Variants in PIWIL4 observed in about 807,000 individuals in gnomAD.
PIWIL4 encodes the protein piwi-like protein 4.
PIWIL4 carries 50 observed loss-of-function variants against 100.9 expected under a neutral mutation model. The observed-to-expected ratio is 0.50, with a 90% CI of 0.39 to 0.63. The LOEUF (loss-of-function observed/expected upper bound fraction) is 0.63, where lower values mean the gene tolerates loss of function less well. PIWIL4 is among the 20% of genes least tolerant of loss of function. PIWIL4 has a pLI of 0.00. For synonymous variants in PIWIL4, 342 were observed against 367.5 expected (o/e 0.93, Z 0.79); for missense variants, 887 against 1,043.3 (o/e 0.85, Z 2.06).
chr11:94,596,606 G>A (rs568062541), intron 10 of PIWIL4, among the ~76,000 whole-genome samples: 4 of 152,096 alleles, frequency 2.6e-5, no homozygotes, highest in African/African-American at 4.8e-5. Context: ...TTAATTTCAT[G>A]GATATACTTT....
At chr11:94,615,777 A>G (rs1054796567) in intron 15 of PIWIL4, among the ~76,000 whole-genome samples, 1 of 152,174 alleles carries the variant, frequency 6.6e-6, no homozygotes, top group African/African-American at 2.4e-5. Flanking sequence ...AGCTGTGACT[A>G]TAGGCACGCG....
At chr11:94,605,162 A>G (rs1948698804) in intron 13 of PIWIL4, among the ~76,000 whole-genome samples, 1 of 152,214 alleles carries the variant, frequency 6.6e-6, no homozygotes, top group Non-Finnish European at 1.5e-5. Flanking sequence ...GAAGCATATG[A>G]CAATCATCAA....
chr11:94,590,170 G>T (rs1244815246), intron 8 of PIWIL4, among the ~76,000 whole-genome samples: 1 of 152,172 alleles, frequency 6.6e-6, no homozygotes, highest in Non-Finnish European at 1.5e-5. Flanking sequence ...CTAGCTCCAA[G>T]CACCTTTTCT....
chr11:94,601,989 C>A lies in PIWIL4; in HGVS notation c.1565+10C>A. ...TGGACTACCCCAAAATGTGAGAATACATTGAATTTTGTTCATATATTAATT... is the reference window on the plus strand; with the variant it reads ...TGGACTACCCCAAAATGTGAGAATAAATTGAATTTTGTTCATATATTAATT... On this transcript the variant is annotated intron_variant, in intron 12 of 19. Transcript: ENST00000299001. 6.3e-7 allele frequency: 1 copy of A among 1,593,360 alleles called. No homozygotes were observed. Among genetic ancestry groups the A allele is most frequent in the Non-Finnish European group, 8.5e-7 (1 of 1,172,730 alleles).
At chr11:94,591,969 G>C (rs911718951) in intron 8 of PIWIL4, among the ~76,000 whole-genome samples, 1 of 152,152 alleles carries the variant, frequency 6.6e-6, no homozygotes, top group African/African-American at 2.4e-5. Context: ...TCCAGCTAGA[G>C]TCCTTCTTCC....
Position 94,587,259 on chromosome 11 carries a change from C to T in PIWIL4, c.914+12C>T, listed in dbSNP as rs142535284. Reference sequence around the variant, plus strand: ...ATTGTCCTTACAAGGTACAAGCCTGCGTCTAAATAAACTTTTCTTCAGAAA... The same window carrying T: ...ATTGTCCTTACAAGGTACAAGCCTGTGTCTAAATAAACTTTTCTTCAGAAA... On this transcript the variant is annotated intron_variant, in intron 7 of 19. Transcript: ENST00000299001. The T allele has an allele frequency of 6.2e-6, 10 of 1,600,654 alleles. No individual in the cohort carries two copies. Among genetic ancestry groups the T allele is most frequent in the South Asian group, 3.4e-5 (3 of 89,028 alleles).
At position 94,617,336 on chromosome 11, in the gene PIWIL4, A is replaced by C. The variant is rs769338484; in HGVS notation, c.2015-618A>C. 1.5e-4 allele frequency among the ~76,000 whole-genome samples: 21 copies of C among 140,118 alleles called. 1 individual carries two copies. Among genetic ancestry groups the C allele is most frequent in the Middle Eastern group, 7.0e-3 (2 of 284 alleles). The allele number at this position is 140,118 out of a possible 152,430, so 91.9% of individuals were successfully genotyped here. Reference sequence around the variant, plus strand: ...ATTCCCCTCACATCGAAACCTGGTAAATTTTTTTAGCAGGTAATTTTTTTT... The same window carrying C: ...ATTCCCCTCACATCGAAACCTGGTACATTTTTTTAGCAGGTAATTTTTTTT... On this transcript the variant is annotated intron_variant, in intron 16 of 19. Coordinates refer to ENST00000299001, the MANE Select transcript of PIWIL4 (RefSeq NM_152431.3).
In PIWIL4 at chr11:94,608,572, T is replaced by TAATTTTATAGTTA. The variant is rs1948751174; in HGVS notation, c.1840-8_1844dup. 2 of 1,609,850 alleles carry TAATTTTATAGTTA rather than the reference T, an allele frequency of 1.2e-6. No individual in the cohort carries two copies. Among genetic ancestry groups the TAATTTTATAGTTA allele is most frequent in the Non-Finnish European group, 1.7e-6 (2 of 1,176,524 alleles). On this transcript the variant is annotated splice_polypyrimidine_tract_variant and intron_variant, in intron 14 of 19. Coordinates refer to ENST00000299001, the MANE Select transcript of PIWIL4 (RefSeq NM_152431.3). ...TCATCCCATTAAATCATGACAAATT[T>TAATTTTATAGTTA]AATTTTATAGTTAAAGTCCCTGATG... is the stretch of plus-strand genomic sequence containing the variant.
Position 94,575,294 on chromosome 11 carries a change from T to G in PIWIL4, c.298+164T>G, listed in dbSNP as rs1330096660. ...GTTAGACGCTTTAATTTTCTAGCCTTAATTTTCTCTTTTATTAGTAGAAAT... is the reference window on the plus strand; with the variant it reads ...GTTAGACGCTTTAATTTTCTAGCCTGAATTTTCTCTTTTATTAGTAGAAAT... On this transcript the variant is annotated intron_variant, in intron 3 of 19. Transcript: ENST00000299001. 2.0e-5 allele frequency among the ~76,000 whole-genome samples: 3 copies of G among 152,256 alleles called. No homozygotes were observed. The East Asian group carries it at 5.8e-4, about 29-fold the overall frequency.
rs372862061 is a variant in PIWIL4, at chr11:94,567,609, T to C, written c.87+4T>C. 1 of 1,595,590 alleles carries C rather than the reference T, an allele frequency of 6.3e-7. No individual in the cohort carries two copies. The highest frequency in any genetic ancestry group is 8.5e-7 in the Non-Finnish European group (1 of 1,169,740). On this transcript the variant is annotated splice_donor_region_variant and intron_variant, in intron 1 of 19. Transcript: ENST00000299001. ...GCGCATCCAAGCCTCGCCATTGGTG[T>C]GTAGAATGCTTATTGCGCATGGTTT...
chr11:94,610,494 T>A (rs1461846809), intron 15 of PIWIL4, among the ~76,000 whole-genome samples: 3 of 152,174 alleles, frequency 2.0e-5, no homozygotes, highest in Non-Finnish European at 4.4e-5. Context: ...TTTTTCCACA[T>A]TCTCCCTAAT....
chr11:94,589,352 G>A lies in PIWIL4; in HGVS notation c.1026+120G>A, dbSNP rs923807999. On this transcript the variant is annotated intron_variant, in intron 8 of 19. Coordinates refer to ENST00000299001, the MANE Select transcript of PIWIL4 (RefSeq NM_152431.3). ...GAGTCTGCCTCCGACCTGATTCTCT[G>A]ACTTGTCTCTCTCCTTCATCCCCAC... 6 of 756,546 alleles carry A rather than the reference G, an allele frequency of 7.9e-6. No individual in the cohort carries two copies. The African/African-American group carries it at 1.0e-4, about 13-fold the overall frequency. The allele number at this position is 756,546 out of a possible 1,614,324, so 46.9% of individuals were successfully genotyped here.
At chr11:94,576,921 A>T (rs1948245739) in intron 3 of PIWIL4, among the ~76,000 whole-genome samples, 1 of 152,236 alleles carries the variant, frequency 6.6e-6, no homozygotes, top group South Asian at 2.1e-4. Flanking sequence ...ATAATTTCAG[A>T]GCAGCATCTG....
intron 8 of PIWIL4, among the ~76,000 whole-genome samples, chr11:94,589,580 A>C (rs985289325): frequency 6.6e-6 from 1 of 152,086 alleles, no homozygotes; most frequent in African/African-American, 2.4e-5. Context: ...CTGCCTTTAA[A>C]GCCTCATCTC....
chr11:94,601,267 C>T (rs1275845752), intron 11 of PIWIL4, among the ~76,000 whole-genome samples: 1 of 152,112 alleles, frequency 6.6e-6, no homozygotes, highest in Non-Finnish European at 1.5e-5. Context: ...GAAATCTTCA[C>T]AATCCATGTT....
At position 94,601,367 on chromosome 11, in the gene PIWIL4, A is replaced by G. The variant is rs527642155; in HGVS notation, c.1381-428A>G. 7.9e-5 allele frequency among the ~76,000 whole-genome samples: 12 copies of G among 152,236 alleles called. No homozygotes were observed. In the South Asian group the frequency reaches 2.1e-3, roughly 26 times the overall value. On this transcript the variant is annotated intron_variant, in intron 11 of 19. Coordinates refer to ENST00000299001, the MANE Select transcript of PIWIL4 (RefSeq NM_152431.3). Reference sequence around the variant, plus strand: ...TTCTGTAGGGTGTGTTAGTTTTATTATGATGACCTAGAGTATTGATAATCA... The same window carrying G: ...TTCTGTAGGGTGTGTTAGTTTTATTGTGATGACCTAGAGTATTGATAATCA...
intron 15 of PIWIL4, among the ~76,000 whole-genome samples, chr11:94,612,466 G>A (rs544657438): frequency 6.6e-6 from 1 of 152,036 alleles, no homozygotes; most frequent in South Asian, 2.1e-4. Flanking sequence ...TTTGTAGGTG[G>A]CATTTAGTTA....
rs529533471 is a variant in PIWIL4 at position 94,601,802 on chromosome 11, C to T, written c.1388C>T (p.Pro463Leu). ...KILMQDHICQ[P>L]VSAADWSKDI... ...GATCATTATTTTTCTCAGTGTCAAC[C>T]TGTGTCTGCTGCTGACTGGTCCAAG... is the stretch of plus-strand genomic sequence containing the variant. The change falls in exon 12 of 20, where the codon CCT becomes CTT. Residue 463 changes from proline to leucine, a missense_variant. Physicochemically the swap from Pro to Leu is moderately conservative, Grantham distance 98. Coordinates refer to ENST00000299001, the MANE Select transcript of PIWIL4 (RefSeq NM_152431.3). 2.5e-6 allele frequency: 4 copies of T among 1,613,466 alleles called. No individual in the cohort carries two copies. The Admixed American group carries it at 6.7e-5, about 27-fold the overall frequency.
intron 1 of PIWIL4, among the ~76,000 whole-genome samples, chr11:94,568,389 C>T (rs973107702): frequency 6.6e-6 from 1 of 152,092 alleles, no homozygotes; most frequent in Non-Finnish European, 1.5e-5. Context: ...ATTTTATGTC[C>T]GTGGGCTATG....
Sources: allele counts gnomAD v4.1 joint callset (sites outside exome capture counted in the v4.1 genomes callset), GRCh38; gene constraint gnomAD v4.1.1; transcripts MANE v1.5; gene names NCBI Gene and HGNC (gene_info 2026-07-23, HGNC 2026-07-21).